Variants in RBFOX1 observed in about 807,000 individuals in gnomAD.
RBFOX1 encodes RNA binding fox-1 homolog 1, also known as RNA binding protein fox-1 homolog 1.
Under a neutral mutation model 57.7 loss-of-function variants are expected in RBFOX1, and 8 were observed. The ratio of observed to expected loss-of-function variants is 0.14; its 90% confidence interval spans 0.08 to 0.25. The LOEUF is 0.25. Ranked by LOEUF, RBFOX1 falls within the 10% of genes least tolerant of loss-of-function variation. The pLI, the probability that RBFOX1 is intolerant of heterozygous loss-of-function variation, is 1.00. For synonymous variants in RBFOX1, 326 were observed against 222.4 expected (o/e 1.47, Z -4.15); for missense variants, 611 against 548.5 (o/e 1.11, Z -1.14).
At chr16:6,634,328 A>C (rs1375081967) in intron 2 of RBFOX1, among the ~76,000 whole-genome samples, 1 of 152,056 alleles carries the variant, frequency 6.6e-6, no homozygotes, top group Non-Finnish European at 1.5e-5. Context: ...TCAAACCAAT[A>C]AGGTTCATGT....
intron 3 of RBFOX1, among the ~76,000 whole-genome samples, chr16:6,749,186 G>C (rs1051319772): frequency 6.6e-6 from 1 of 152,188 alleles, no homozygotes; most frequent in Non-Finnish European, 1.5e-5. Context: ...ATCTGAGTTT[G>C]GATCCTGCTC....
At chr16:7,675,752 A>C (rs2146360951) in intron 13 of RBFOX1, among the ~76,000 whole-genome samples, 1 of 152,206 alleles carries the variant, frequency 6.6e-6, no homozygotes, top group South Asian at 2.1e-4. Flanking sequence ...CTTTGTCCTG[A>C]GTTGCCCCTT....
At position 6,815,287 on chromosome 16, in the gene RBFOX1, C is replaced by G. The variant is rs530997959; in HGVS notation, c.-16+160637C>G. Among the ~76,000 whole-genome samples the G allele has an allele frequency of 3.4e-4, 51 of 152,214 alleles. 1 individual carries two copies. Among genetic ancestry groups the G allele is most frequent in the Non-Finnish European group, 5.4e-4 (37 of 68,020 alleles). ...TGGGTTTTGGCCGACTTCTTTGCCACTTGCTATTTTATTTTCTAGGTCTTT... is the reference window on the plus strand; with the variant it reads ...TGGGTTTTGGCCGACTTCTTTGCCAGTTGCTATTTTATTTTCTAGGTCTTT... On this transcript the variant is annotated intron_variant, in intron 3 of 15. Coordinates refer to ENST00000550418, the MANE Select transcript of RBFOX1 (RefSeq NM_018723.4).
intron 1 of RBFOX1, among the ~76,000 whole-genome samples, chr16:5,293,017 C>G (rs902029441): frequency 2.0e-5 from 3 of 151,802 alleles, no homozygotes; most frequent in African/African-American, 7.3e-5. Context: ...GGTGGAAAGT[C>G]AAACTTCAAA....
chr16:6,486,356 G>C (rs565850599), intron 2 of RBFOX1, among the ~76,000 whole-genome samples: 1 of 151,916 alleles, frequency 6.6e-6, no homozygotes, highest in South Asian at 2.1e-4. Context: ...TTTTATATTA[G>C]ATTTTGAGCA....
intron 2 of RBFOX1, among the ~76,000 whole-genome samples, chr16:6,535,299 C>T (rs2096719625): frequency 6.6e-6 from 1 of 152,164 alleles, no homozygotes; most frequent in Non-Finnish European, 1.5e-5. Flanking sequence ...TGAGGGATCA[C>T]ACTGGAAAAA....
At position 6,575,041 on chromosome 16, in the gene RBFOX1, T is replaced by TAA. The variant is rs60159843; in HGVS notation, c.-63-79542_-63-79541dup. The stretch of plus-strand genomic sequence containing the variant: ...GGACAGAGCGAGACTCCGTCTCAAT[T>TAA]AAAAAAAAAAAAAAAAAAAAACAGC... On this transcript the variant is annotated intron_variant, in intron 2 of 15. Coordinates refer to ENST00000550418, the MANE Select transcript of RBFOX1 (RefSeq NM_018723.4). Among the ~76,000 whole-genome samples the TAA allele has an allele frequency of 5.8e-3, 822 of 142,156 alleles. 8 individuals are homozygous for TAA. The highest frequency in any genetic ancestry group is 0.02 in the African/African-American group (728 of 36,524). The allele number at this position is 142,156 out of a possible 152,430, so 93.3% of individuals were successfully genotyped here.
intron 1 of RBFOX1, among the ~76,000 whole-genome samples, chr16:6,288,827 G>A (rs1344471): frequency 0.16 from 24,106 of 152,032 alleles, 2,281 homozygotes; most frequent in Non-Finnish European, 0.2. Context: ...ATACCTGCTT[G>A]GGGTACTACT....
At chr16:7,562,532 C>T (rs1427689582) in intron 5 of RBFOX1, among the ~76,000 whole-genome samples, 1 of 152,170 alleles carries the variant, frequency 6.6e-6, no homozygotes, top group Non-Finnish European at 1.5e-5. Flanking sequence ...ATCAGTGCCC[C>T]AAGTAACCTA....
chr16:6,114,579 A>C (rs1329179612), intron 1 of RBFOX1, among the ~76,000 whole-genome samples: 1 of 151,282 alleles, frequency 6.6e-6, no homozygotes, highest in Non-Finnish European at 1.5e-5. Flanking sequence ...GAGGGGGCGT[A>C]ACTTATGGAC....
chr16:6,523,141 C>A lies in RBFOX1; in HGVS notation c.-63-131462C>A, dbSNP rs144940465. 2.0e-3 allele frequency among the ~76,000 whole-genome samples: 306 copies of A among 152,192 alleles called. 1 individual carries two copies. Among genetic ancestry groups the A allele is most frequent in the African/African-American group, 6.8e-3 (283 of 41,524 alleles). The stretch of plus-strand genomic sequence containing the variant: ...AATTGCCTTTTTCTGCCAACTGGAA[C>A]GTAGGTAGCATGGGGTGACTGTCTT... On this transcript the variant is annotated intron_variant, in intron 2 of 15. Coordinates refer to ENST00000550418, the MANE Select transcript of RBFOX1 (RefSeq NM_018723.4).
chr16:5,792,304 G>C (rs547328095), intron 3 of RBFOX1, among the ~76,000 whole-genome samples: 157 of 152,110 alleles, frequency 1.0e-3, no homozygotes, highest in Non-Finnish European at 1.7e-3. Flanking sequence ...AGATACACTA[G>C]AGAGACAACA....
intron 4 of RBFOX1, among the ~76,000 whole-genome samples, chr16:7,074,602 C>G (rs2057968794): frequency 6.6e-6 from 1 of 151,930 alleles, no homozygotes; most frequent in Non-Finnish European, 1.5e-5. Context: ...CATTTAAATA[C>G]ATATAATTGG....
intron 4 of RBFOX1, among the ~76,000 whole-genome samples, chr16:7,195,553 A>G (rs1163096372): frequency 6.6e-6 from 1 of 151,964 alleles, no homozygotes; most frequent in Non-Finnish European, 1.5e-5. Flanking sequence ...TTATGTATTT[A>G]TTTATTTGTT....
chr16:6,907,290 C>G (rs1404218433), intron 3 of RBFOX1, among the ~76,000 whole-genome samples: 1 of 152,130 alleles, frequency 6.6e-6, no homozygotes, highest in Non-Finnish European at 1.5e-5. Flanking sequence ...GTCATCTTTA[C>G]CGATGTGCCT....
At chr16:6,625,280 G>A (rs2098288904) in intron 2 of RBFOX1, among the ~76,000 whole-genome samples, 2 of 151,234 alleles carry the variant, frequency 1.3e-5, no homozygotes, top group African/African-American at 2.4e-5. Context: ...AAAGTGAGAA[G>A]GACACAGAAT....
At chr16:7,171,290 A>T (rs1236802008) in intron 4 of RBFOX1, among the ~76,000 whole-genome samples, 1 of 152,214 alleles carries the variant, frequency 6.6e-6, no homozygotes, top group Non-Finnish European at 1.5e-5. Flanking sequence ...CATCCCTATG[A>T]TGAGGACTGC....
At chr16:6,630,000 G>C (rs1486010828) in intron 2 of RBFOX1, among the ~76,000 whole-genome samples, 1 of 141,322 alleles carries the variant, frequency 7.1e-6, no homozygotes, top group Non-Finnish European at 1.5e-5. Context: ...ATTGCTTTCA[G>C]AAGGAGAAAA....
At chr16:6,876,060 C>T (rs1203670276) in intron 3 of RBFOX1, among the ~76,000 whole-genome samples, 1 of 151,818 alleles carries the variant, frequency 6.6e-6, no homozygotes, top group East Asian at 1.9e-4. Context: ...ATAGTCCTAG[C>T]ATCTCGGGGG....
Sources: gnomAD v4.1 joint callset for allele counts (sites outside exome capture counted in the v4.1 genomes callset) on GRCh38, gnomAD v4.1.1 for gene constraint, MANE v1.5 for transcripts, NCBI Gene and HGNC (gene_info 2026-07-23, HGNC 2026-07-21) for gene names.